The following TXNDC9 variants were observed in gnomAD, a reference collection of about 807,000 sequenced individuals.
TXNDC9 encodes the protein thioredoxin domain-containing protein 9.
TXNDC9 carries 7 observed loss-of-function variants against 23.0 expected under a neutral mutation model. The observed-to-expected ratio is 0.30, with a 90% CI of 0.17 to 0.57. TXNDC9 has a LOEUF of 0.57. Among genes scored for constraint, TXNDC9 ranks in the 20% least tolerant of loss-of-function variants. The pLI, the probability that TXNDC9 is intolerant of heterozygous loss-of-function variation, is 0.90. For synonymous variants in TXNDC9, 72 were observed against 90.6 expected, an observed-to-expected ratio of 0.79 and a Z score of 1.17; for missense variants, 198 against 252.6, an observed-to-expected ratio of 0.78 and a Z score of 1.47.
At chr2:99,317,361 T>C (rs2105316699), downstream of TXNDC9, among the ~76,000 whole-genome samples, 1 of 152,264 alleles carries the variant, frequency 6.6e-6, no homozygotes, top group East Asian at 1.9e-4. Context: ...ACCCCTACCC[T>C]CTGCCCTCCA....
At chr2:99,327,808 C>T (rs1260014824) in intron 2 of TXNDC9, among the ~76,000 whole-genome samples, 155 bp from the exon 3 acceptor site, 3 of 141,978 alleles carry the variant, frequency 2.1e-5, no homozygotes, top group Non-Finnish European at 3.0e-5. Context: ...TTTTTTGAGA[C>T]GGAGTCTTGC....
chr2:99,309,082 T>C, the TXNDC9 span, among the ~76,000 whole-genome samples: 1 of 151,938 alleles, frequency 6.6e-6, no homozygotes, highest in Non-Finnish European at 1.5e-5. Context: ...TAATAAAAAA[T>C]TAAAAATAGC....
intron 1 of TXNDC9, 123 bp downstream of exon 1, chr2:99,336,116 C>A: frequency 1.2e-6 from 1 of 864,770 alleles, no homozygotes; most frequent in Non-Finnish European, 1.4e-6. Context: ...GCAAGAGCCT[C>A]TGCCAGGACA....
At chr2:99,309,123 A>T in the TXNDC9 span, among the ~76,000 whole-genome samples, 8 of 152,198 alleles carry the variant, frequency 5.3e-5, no homozygotes, top group African/African-American at 1.9e-4. Context: ...GGTGGTTCCC[A>T]GCACTTTGGG....
At chr2:99,328,926 T>A (rs1046119751) in intron 2 of TXNDC9, among the ~76,000 whole-genome samples, 1 of 152,048 alleles carries the variant, frequency 6.6e-6, no homozygotes, top group South Asian at 2.1e-4. Context: ...GAGGCAGAGG[T>A]TGCAGTGAGC....
At chr2:99,324,292 G>T (rs2094208839) in intron 3 of TXNDC9, among the ~76,000 whole-genome samples, 1 of 152,176 alleles carries the variant, frequency 6.6e-6, no homozygotes, top group Admixed American at 6.5e-5. Flanking sequence ...ATTTTTACCA[G>T]TAAGCTTTTT....
intron 3 of TXNDC9, among the ~76,000 whole-genome samples, chr2:99,326,025 A>C (rs1285039541): frequency 6.6e-6 from 1 of 151,876 alleles, no homozygotes; most frequent in Non-Finnish European, 1.5e-5. Flanking sequence ...ACAAAAAAAA[A>C]CAACAAAAAA....
At chr2:99,335,064 T>C (rs2094235515) in intron 1 of TXNDC9, among the ~76,000 whole-genome samples, 2 of 152,254 alleles carry the variant, frequency 1.3e-5, no homozygotes, top group South Asian at 4.1e-4. Flanking sequence ...CGAGAAATTT[T>C]ATACCAACAA....
At chr2:99,327,791 G>T (rs543731108) in intron 2 of TXNDC9, 138 bp from the exon 3 acceptor site, 124 of 396,796 alleles carry the variant, frequency 3.1e-4, no homozygotes, top group East Asian at 1.8e-3. Flanking sequence ...GTTTGTTTTT[G>T]TTTTTTTTTT....
chr2:99,323,334 G>T (rs567477624), intron 3 of TXNDC9, among the ~76,000 whole-genome samples: 6 of 152,104 alleles, frequency 3.9e-5, no homozygotes, highest in Admixed American at 3.9e-4. Flanking sequence ...TTGAACCTGG[G>T]AGGTGGAGGC....
intron 2 of TXNDC9, among the ~76,000 whole-genome samples, chr2:99,328,644 G>C (rs894431768): frequency 6.6e-6 from 1 of 152,036 alleles, no homozygotes; most frequent in African/African-American, 2.4e-5. Context: ...ACTAAAACCA[G>C]AAGCATTTGA....
Position 99,333,050 on chromosome 2 carries a change from G to T in TXNDC9, c.161C>A (p.Ala54Glu). 1.2e-6 allele frequency: 2 copies of T among 1,614,058 alleles called. No individual in the cohort carries two copies. ...TTTCTGCTGTTGAGCTTTCCTTAGT[G>T]CCTGGAGTCTCTTTTCTTTAAGGCG... ...LERLKEKRLQ[A>E]LRKAQQQKQE... The change falls in exon 2 of 5, where the codon GCA (alanine) becomes GAA (glutamate). Residue 54 changes from alanine (A) to glutamate (E), a missense_variant. Ala to Glu is a moderately radical substitution (Grantham distance 107, BLOSUM62 -1). Transcript: ENST00000264255.
rs2094230078 is a variant in TXNDC9 at position 99,333,176 on chromosome 2, T to A, written c.35A>T (p.Lys12Ile). ...EADASVDMFS[K>I]VLEHQLLQTT... ...CTGAAGCAGCTGATGCTCCAGGACT[T>A]TGGAAAACATGTCAACAGATGCATC... Residue 12 changes from lysine to isoleucine, a missense_variant, in exon 2 of 5, where the codon AAA becomes ATA. Coordinates refer to ENST00000264255, the MANE Select transcript of TXNDC9 (RefSeq NM_005783.4). The A allele has an allele frequency of 6.2e-7, 1 of 1,614,000 alleles. No homozygotes were observed. Among genetic ancestry groups the A allele is most frequent in the African/African-American group, 1.3e-5 (1 of 74,900 alleles).
intron 3 of TXNDC9, chr2:99,322,558 T>TAA: frequency 6.6e-7 from 1 of 1,510,810 alleles, no homozygotes; most frequent in Non-Finnish European, 8.8e-7. Context: ...GGAAGAGACT[T>TAA]ACAAGAATCA....
chr2:99,324,071 G>GCTGACCT (rs1254837978), intron 3 of TXNDC9, among the ~76,000 whole-genome samples: 1 of 152,022 alleles, frequency 6.6e-6, no homozygotes, highest in Non-Finnish European at 1.5e-5. Flanking sequence ...GTCTTGAACT[G>GCTGACCT]CTGACCTCAA....
At chr2:99,331,509 CAA>C (rs1331778345) in intron 2 of TXNDC9, among the ~76,000 whole-genome samples, 10 of 54,756 alleles carry the variant, frequency 1.8e-4, no homozygotes, top group Admixed American at 4.1e-4. Flanking sequence ...GACTCCCTCT[CAA>C]AAAAAAAAAA....
At chr2:99,318,362 G>C (rs1334003954), downstream of TXNDC9, among the ~76,000 whole-genome samples, 2 of 151,936 alleles carry the variant, frequency 1.3e-5, no homozygotes, top group Admixed American at 6.6e-5. Flanking sequence ...TTTTAGTAGA[G>C]ACGGGGTTTC....
chr2:99,333,088 C>T lies in TXNDC9; in HGVS notation c.123G>A (p.Glu41=). Residue 41 remains glutamate (E), a synonymous_variant, in exon 2 of 5, where the codon GAG becomes GAA. Transcript: ENST00000264255. ...TTTCTTTAAGGCGTTCCAATTCATC[C>T]TCATCCATCTGATCCAGTTTTTGAA... ...SEIQKLDQMD[E]DELERLKEKR... The T allele has an allele frequency of 6.2e-7, 1 of 1,614,080 alleles. No individual in the cohort carries two copies. Among genetic ancestry groups the T allele is most frequent in the African/African-American group, 1.3e-5 (1 of 75,012 alleles).
chr2:99,313,058 A>C, the TXNDC9 span, among the ~76,000 whole-genome samples: 2 of 151,948 alleles, frequency 1.3e-5, no homozygotes, highest in East Asian at 3.9e-4. Flanking sequence ...GCTACTCGGG[A>C]GGCTGAGGCA....
Sources: allele counts gnomAD v4.1 joint callset (sites outside exome capture counted in the v4.1 genomes callset), GRCh38; gene constraint gnomAD v4.1.1; transcripts MANE v1.5; gene names NCBI Gene and HGNC (gene_info 2026-07-23, HGNC 2026-07-21).